KIAA1217: variants seen among roughly 807,000 people sequenced by gnomAD.
KIAA1217 encodes sickle tail protein homolog.
Under a neutral mutation model 163.9 loss-of-function variants are expected in KIAA1217, and 88 were observed. The ratio of observed to expected loss-of-function variants is 0.54; its 90% CI spans 0.45 to 0.64. The LOEUF is 0.64. KIAA1217 is among the 30% of genes least tolerant of loss of function. The probability of loss-of-function intolerance (pLI) is 0.00; values close to 1 mark genes in which losing one functional copy is unlikely to be tolerated. For synonymous variants in KIAA1217, 903 were observed against 923.1 expected (o/e 0.98, Z 0.39); for missense variants, 2,372 against 2,475.0 (o/e 0.96, Z 0.88).
At chr10:24,492,661 C>T (rs4586050) in intron 6 of KIAA1217, among the ~76,000 whole-genome samples, 3 of 151,844 alleles carry the variant, frequency 2.0e-5, no homozygotes, top group African/African-American at 7.3e-5. Flanking sequence ...TCAGAAGCTT[C>T]CAATTACAAA....
chr10:24,492,926 G>T (rs1362220260), intron 6 of KIAA1217, among the ~76,000 whole-genome samples: 1 of 151,666 alleles, frequency 6.6e-6, no homozygotes, highest in Admixed American at 6.6e-5. Context: ...GCTCACTGTA[G>T]CCTCCACCTC....
chr10:24,308,938 C>T, intron 2 of KIAA1217, among the ~76,000 whole-genome samples: 1 of 152,030 alleles, frequency 6.6e-6, no homozygotes, highest in East Asian at 1.9e-4. Flanking sequence ...GCCTGGCCAA[C>T]ATGGTGAAAT....
intron 2 of KIAA1217, among the ~76,000 whole-genome samples, chr10:24,268,113 C>T (rs2076410390): frequency 6.6e-6 from 1 of 152,162 alleles, no homozygotes; most frequent in Non-Finnish European, 1.5e-5. Context: ...ACACACAAAG[C>T]TGTCTGTGAA....
intron 2 of KIAA1217, among the ~76,000 whole-genome samples, chr10:24,011,660 A>G (rs906850195): frequency 6.6e-6 from 1 of 152,162 alleles, no homozygotes; most frequent in Non-Finnish European, 1.5e-5. Flanking sequence ...TACAGGGAAA[A>G]TGGAACTCTC....
chr10:24,443,087 T>A (rs950785119), intron 5 of KIAA1217, among the ~76,000 whole-genome samples: 1 of 152,062 alleles, frequency 6.6e-6, no homozygotes, highest in African/African-American at 2.4e-5. Context: ...ATTTTTGTAT[T>A]TTTAGAAGAA....
intron 2 of KIAA1217, among the ~76,000 whole-genome samples, chr10:24,232,670 C>T (rs1287189624): frequency 2.0e-5 from 3 of 152,168 alleles, no homozygotes; most frequent in Non-Finnish European, 4.4e-5. Flanking sequence ...AGAACTCATA[C>T]TGCAAATGTC....
At chr10:23,837,862 T>G (rs1326453261) in intron 1 of KIAA1217, among the ~76,000 whole-genome samples, 4 of 152,128 alleles carry the variant, frequency 2.6e-5, no homozygotes, top group Non-Finnish European at 4.4e-5. Flanking sequence ...ATGTACTGGT[T>G]CTTTAACCAC....
chr10:24,157,839 C>T (rs778653722), intron 2 of KIAA1217: 61 of 515,794 alleles, frequency 1.2e-4, no homozygotes, highest in Non-Finnish European at 2.0e-4. Flanking sequence ...GATGCAATGG[C>T]AGCCTTTGCC....
intron 1 of KIAA1217, among the ~76,000 whole-genome samples, chr10:23,855,379 G>T (rs1365317189): frequency 6.6e-6 from 1 of 152,214 alleles, no homozygotes; most frequent in African/African-American, 2.4e-5. Context: ...TCTGCTGAGA[G>T]ATCCGCTGTT....
intron 2 of KIAA1217, among the ~76,000 whole-genome samples, chr10:24,182,832 G>T (rs549946634): frequency 1.6e-4 from 24 of 152,252 alleles, no homozygotes; most frequent in African/African-American, 5.8e-4. Context: ...TTATTTGCAA[G>T]AATCAGTTGG....
intron 2 of KIAA1217, among the ~76,000 whole-genome samples, chr10:24,322,897 A>C (rs542633100): frequency 6.6e-6 from 1 of 152,268 alleles, no homozygotes; most frequent in Non-Finnish European, 1.5e-5. Context: ...AGTTTGATAG[A>C]GTGATTTGAT....
intron 5 of KIAA1217, among the ~76,000 whole-genome samples, chr10:24,450,419 G>A (rs2061298643): frequency 6.6e-6 from 1 of 152,192 alleles, no homozygotes; most frequent in Non-Finnish European, 1.5e-5. Flanking sequence ...GTGATTGCCT[G>A]AAAAAGTCTT....
chr10:24,520,523 C>T (rs886105193), intron 11 of KIAA1217, among the ~76,000 whole-genome samples: 4 of 148,450 alleles, frequency 2.7e-5, no homozygotes, highest in South Asian at 4.3e-4. Flanking sequence ...TACAGTGCAC[C>T]GGGATGCATG....
At chr10:24,330,871 C>T (rs137969592) in intron 2 of KIAA1217, among the ~76,000 whole-genome samples, 1 of 152,118 alleles carries the variant, frequency 6.6e-6, no homozygotes, top group African/African-American at 2.4e-5. Context: ...ACCTTGGCCT[C>T]CTAAAGTACT....
At chr10:24,267,284 T>C (rs1193942691) in intron 2 of KIAA1217, among the ~76,000 whole-genome samples, 1 of 152,180 alleles carries the variant, frequency 6.6e-6, no homozygotes, top group African/African-American at 2.4e-5. Flanking sequence ...ACTTGTGGTC[T>C]CTCAAGGAGT....
At chr10:24,175,672 G>C (rs903948088) in intron 2 of KIAA1217, among the ~76,000 whole-genome samples, 13 of 152,148 alleles carry the variant, frequency 8.5e-5, no homozygotes, top group Admixed American at 3.3e-4. Context: ...GGTGTGTCCA[G>C]AGTTTGCTCC....
chr10:24,407,330 G>C (rs1258924122), intron 3 of KIAA1217, among the ~76,000 whole-genome samples: 1 of 152,012 alleles, frequency 6.6e-6, no homozygotes, highest in East Asian at 1.9e-4. Flanking sequence ...GTCTCACTCT[G>C]TTGCCCCGGC....
intron 1 of KIAA1217, among the ~76,000 whole-genome samples, chr10:23,961,155 GTTAATGCATTCCCAGT>G (rs1844803773): frequency 6.6e-6 from 1 of 152,160 alleles, no homozygotes; most frequent in Non-Finnish European, 1.5e-5. Flanking sequence ...GAAATACCAT[GTTAATGCATTCCCAGT>G]TTATTTATCT....
chr10:23,770,802 C>T (rs1266894497), intron 1 of KIAA1217, among the ~76,000 whole-genome samples: 1 of 152,176 alleles, frequency 6.6e-6, no homozygotes, highest in Non-Finnish European at 1.5e-5. Context: ...CCAGGCTTCA[C>T]CTGTTTTTCC....
Sources: allele counts gnomAD v4.1 joint callset (sites outside exome capture counted in the v4.1 genomes callset), GRCh38; gene constraint gnomAD v4.1.1; transcripts MANE v1.5; gene names NCBI Gene and HGNC (gene_info 2026-07-23, HGNC 2026-07-21).